The following CRISPLD2 variants were observed in gnomAD, a reference collection of about 807,000 sequenced individuals.
CRISPLD2 encodes cysteine-rich secretory protein LCCL domain-containing 2.
CRISPLD2 carries 47 observed loss-of-function variants against 71.1 expected under a neutral mutation model. The ratio of observed to expected loss-of-function variants is 0.66; its 90% CI spans 0.52 to 0.84. CRISPLD2 has a LOEUF of 0.84. Ranked by LOEUF, CRISPLD2 falls within the 40% of genes least tolerant of loss-of-function variation. The pLI, the probability that CRISPLD2 is intolerant of heterozygous loss-of-function variation, is 0.00. For synonymous variants in CRISPLD2, 317 were observed against 250.1 expected, an observed-to-expected ratio of 1.27 and a Z score of -2.52; for missense variants, 830 against 651.1, an observed-to-expected ratio of 1.27 and a Z score of -2.99.
intron 1 of CRISPLD2, among the ~76,000 whole-genome samples, chr16:84,824,547 CA>C (rs1916304841): frequency 6.6e-6 from 1 of 152,176 alleles, no homozygotes; most frequent in Non-Finnish European, 1.5e-5. Context: ...AGGTGAAAGT[CA>C]CAGGTGGAAT....
chr16:84,884,037 G>A (rs1267420272), intron 13 of CRISPLD2, among the ~76,000 whole-genome samples: 1 of 151,988 alleles, frequency 6.6e-6, no homozygotes, highest in East Asian at 1.9e-4. Context: ...TAGAGACAGG[G>A]TTTCTCCATG....
chr16:84,897,707 C>G (rs992366158), intron 14 of CRISPLD2, among the ~76,000 whole-genome samples: 1 of 151,946 alleles, frequency 6.6e-6, no homozygotes, highest in Non-Finnish European at 1.5e-5. Flanking sequence ...ACCTCTGCCC[C>G]GCAGGTTCAA....
chr16:84,839,000 T>G (rs1443378860), intron 2 of CRISPLD2: 1 of 587,926 alleles, frequency 1.7e-6, no homozygotes, highest in African/African-American at 1.8e-5. Flanking sequence ...GCGATCCTGC[T>G]TCAGCCTCCC....
At chr16:84,857,625 A>G (rs779973809) in intron 6 of CRISPLD2, among the ~76,000 whole-genome samples, 2 of 152,208 alleles carry the variant, frequency 1.3e-5, no homozygotes, top group Non-Finnish European at 2.9e-5. Flanking sequence ...TCCCTCAAGC[A>G]TGTCCTAGAA....
chr16:84,885,478 G>T (rs2071604368), intron 13 of CRISPLD2, among the ~76,000 whole-genome samples: 1 of 152,240 alleles, frequency 6.6e-6, no homozygotes, highest in South Asian at 2.1e-4. Flanking sequence ...GCCTAGGGCT[G>T]AGGGGATTCC....
In CRISPLD2 at chr16:84,838,597, G is replaced by T. The variant is rs145368506; in HGVS notation, c.102G>T (p.Leu34=). The change falls in exon 2 of 15, where the codon CTG becomes CTT. Residue 34 remains leucine (L), a synonymous_variant. Coordinates refer to ENST00000262424, the MANE Select transcript of CRISPLD2 (RefSeq NM_031476.4). ...LLPNVTLLEE[L]LSKYQHNESH... is the part of the protein sequence containing the mutation. ...CCAACGTCACTCTCTTAGAGGAGCT[G>T]CTCAGCAAATACCAGCACAACGAGT... The T allele has an allele frequency of 1.2e-6, 2 of 1,614,130 alleles. No individual in the cohort carries two copies. The highest frequency in any genetic ancestry group is 2.7e-5 in the African/African-American group (2 of 74,936).
At chr16:84,857,588 C>T (rs1917275929) in intron 6 of CRISPLD2, among the ~76,000 whole-genome samples, 1 of 152,212 alleles carries the variant, frequency 6.6e-6, no homozygotes, top group Non-Finnish European at 1.5e-5. Flanking sequence ...AAGTCCTGCC[C>T]ACTGGGAAGA....
intron 14 of CRISPLD2, among the ~76,000 whole-genome samples, chr16:84,902,644 G>A (rs533439301): frequency 4.0e-5 from 6 of 151,778 alleles, no homozygotes; most frequent in South Asian, 2.1e-4. Flanking sequence ...TGGATGGGTC[G>A]TCCCAGTTAC....
intron 2 of CRISPLD2, among the ~76,000 whole-genome samples, chr16:84,843,856 C>G (rs1216547707): frequency 6.6e-6 from 1 of 152,218 alleles, no homozygotes; most frequent in Non-Finnish European, 1.5e-5. Flanking sequence ...TACTTAACCT[C>G]TCCAAGACTC....
chr16:84,902,752 T>G (rs1156392746), intron 14 of CRISPLD2, among the ~76,000 whole-genome samples: 5 of 150,326 alleles, frequency 3.3e-5, no homozygotes, highest in South Asian at 2.1e-4. Context: ...TCTCCTATTT[T>G]TTGGAAAATC....
intron 13 of CRISPLD2, among the ~76,000 whole-genome samples, chr16:84,885,810 T>TTA (rs1381494963): frequency 1.7e-4 from 24 of 142,554 alleles, no homozygotes; most frequent in African/African-American, 5.3e-4. Context: ...GTTGGATCCC[T>TTA]TCTTTTTTTT....
At position 84,838,509 on chromosome 16, in the gene CRISPLD2, T is replaced by C. The variant is rs1246528021; in HGVS notation, c.14T>C (p.Leu5Pro). 3 of 1,613,940 alleles carry C rather than the reference T, an allele frequency of 1.9e-6. 1 individual carries two copies. The highest frequency in any genetic ancestry group is 3.3e-4 in the Middle Eastern group (2 of 6,082). MSCV[L>P]GGVIPLGLLF... ...AGGAGTGGAGCCATGAGCTGCGTCC[T>C]GGGTGGTGTCATCCCCTTGGGGCTG... The change falls in exon 2 of 15, where the codon CTG (leucine) becomes CCG (proline). Residue 5 changes from leucine (L) to proline (P), a missense_variant. Transcript: ENST00000262424.
intron 14 of CRISPLD2, among the ~76,000 whole-genome samples, chr16:84,899,134 C>A (rs1176696657): frequency 6.6e-6 from 1 of 152,114 alleles, no homozygotes; most frequent in Non-Finnish European, 1.5e-5. Context: ...CAAGCAATCG[C>A]CTACGTTAGC....
rs574219672 is a variant in CRISPLD2 at position 84,873,445 on chromosome 16, T to C, written c.1112+323T>C. 2.2e-5 allele frequency: 3 copies of C among 136,784 alleles called. No homozygotes were observed. In the East Asian group the frequency reaches 6.7e-4, roughly 31 times the overall value. 8.5% of individuals were successfully genotyped at this position (136,784 alleles called of 1,614,324 possible). The stretch of plus-strand genomic sequence containing the variant: ...GTGAGCTAAGATAGTGTCACTGCAC[T>C]CCAGCCTGGCCAACACAGCAAAACT... On this transcript the variant is annotated intron_variant, in intron 10 of 14. Transcript: ENST00000262424.
chr16:84,851,035 A>T (rs75656821), intron 5 of CRISPLD2, among the ~76,000 whole-genome samples: 1 of 152,152 alleles, frequency 6.6e-6, no homozygotes, highest in Non-Finnish European at 1.5e-5. Flanking sequence ...TAGACCAATC[A>T]TAGATGAGGG....
chr16:84,824,643 A>T (rs772156071), intron 1 of CRISPLD2, among the ~76,000 whole-genome samples: 16 of 152,228 alleles, frequency 1.1e-4, no homozygotes, highest in Non-Finnish European at 1.6e-4. Flanking sequence ...GGTTGGTGTC[A>T]GTGCCTGGCT....
intron 6 of CRISPLD2, 80 bp downstream of exon 6, chr16:84,854,909 G>T: frequency 2.7e-6 from 3 of 1,113,112 alleles, no homozygotes; most frequent in Non-Finnish European, 2.7e-6. Context: ...TGAAACAGGG[G>T]AATTAAAGAA....
intron 4 of CRISPLD2, 127 bp downstream of exon 4, chr16:84,849,644 G>T: frequency 4.0e-6 from 4 of 997,582 alleles, no homozygotes; most frequent in South Asian, 3.1e-5. Context: ...TAAAAATTCA[G>T]TTCTATACAG....
At chr16:84,851,969 C>T (rs535942432) in intron 5 of CRISPLD2, among the ~76,000 whole-genome samples, 1 of 152,328 alleles carries the variant, frequency 6.6e-6, no homozygotes, top group African/African-American at 2.4e-5. Flanking sequence ...GCAGCTTACA[C>T]ATCAGACTTT....
Sources: gnomAD v4.1 joint callset for allele counts (sites outside exome capture counted in the v4.1 genomes callset) on GRCh38, gnomAD v4.1.1 for gene constraint, MANE v1.5 for transcripts, NCBI Gene and HGNC (gene_info 2026-07-23, HGNC 2026-07-21) for gene names.